ARHGAP8: variants seen among roughly 807,000 people sequenced by gnomAD.
The protein encoded by ARHGAP8 is rho GTPase-activating protein 8.
Under a neutral mutation model 46.1 loss-of-function variants are expected in ARHGAP8, and 62 were observed. The ratio of observed to expected loss-of-function variants is 1.34; its 90% CI spans 1.10 to 1.66. ARHGAP8 has a LOEUF of 1.66. Ranked by LOEUF, ARHGAP8 falls within the 40% of genes most tolerant of loss-of-function variation. The probability of loss-of-function intolerance (pLI) is 0.00; values close to 1 mark genes in which losing one functional copy is unlikely to be tolerated. For synonymous variants in ARHGAP8, 375 were observed against 243.1 expected (o/e 1.54, Z -5.05); for missense variants, 923 against 568.4 (o/e 1.62, Z -6.34).
intron 2 of ARHGAP8, among the ~76,000 whole-genome samples, chr22:44,788,193 A>T (rs1458266270): frequency 2.6e-5 from 4 of 151,800 alleles, no homozygotes; most frequent in African/African-American, 9.7e-5. Context: ...GTCTTGGCTT[A>T]CTCTAAACTC....
intron 3 of ARHGAP8, among the ~76,000 whole-genome samples, chr22:44,806,267 C>T (rs935833518): frequency 6.6e-6 from 1 of 152,148 alleles, no homozygotes; most frequent in Non-Finnish European, 1.5e-5. Context: ...GAAGTATGCC[C>T]CGGTGGCTTA....
chr22:44,832,384 G>A (rs1035850459), intron 7 of ARHGAP8, among the ~76,000 whole-genome samples: 9 of 151,730 alleles, frequency 5.9e-5, no homozygotes, highest in East Asian at 1.9e-4. Flanking sequence ...GTGCTACCAC[G>A]CCTGGCTAAT....
rs1257538361 is a variant in ARHGAP8, at chr22:44,859,740, G to T, written c.887G>T (p.Ser296Ile). The change falls in exon 11 of 12, where the codon AGC becomes ATC. Residue 296 changes from serine to isoleucine, a missense_variant. Transcript: ENST00000356099. ...EQILGITCVESSLRVTGCRQI... is the reference protein window; with the variant it reads ...EQILGITCVEISLRVTGCRQI... ...CCCCATGCCCTTCCAGGTGTGGAGA[G>T]CAGCCTGCGTGTCACTGGCTGCCGC... The T allele has an allele frequency of 1.2e-5, 20 of 1,613,552 alleles. No individual in the cohort carries two copies. The highest frequency in any genetic ancestry group is 1.7e-5 in the Admixed American group (1 of 60,012).
At chr22:44,839,054 C>G (rs1007668148) in intron 7 of ARHGAP8, among the ~76,000 whole-genome samples, 1 of 152,140 alleles carries the variant, frequency 6.6e-6, no homozygotes, top group African/African-American at 2.4e-5. Flanking sequence ...TTGAAAGGGT[C>G]TGTCTGGCTT....
chr22:44,780,518 C>T (rs932950791), intron 1 of ARHGAP8, among the ~76,000 whole-genome samples: 9 of 151,872 alleles, frequency 5.9e-5, no homozygotes, highest in African/African-American at 9.7e-5. Context: ...AAAAATTAGC[C>T]GGACATGGTG....
At chr22:44,837,771 G>T (rs1161865166) in intron 7 of ARHGAP8, among the ~76,000 whole-genome samples, 1 of 152,096 alleles carries the variant, frequency 6.6e-6, no homozygotes, top group Non-Finnish European at 1.5e-5. Context: ...CGATGCCGGG[G>T]CCCTGTTCTT....
chr22:44,835,899 G>A (rs944394745), intron 7 of ARHGAP8, among the ~76,000 whole-genome samples: 1 of 149,482 alleles, frequency 6.7e-6, no homozygotes, highest in South Asian at 2.1e-4. Context: ...GCTCTTCTTC[G>A]GTCTCCTGTA....
At chr22:44,848,652 T>G (rs935453378) in intron 9 of ARHGAP8, among the ~76,000 whole-genome samples, 2 of 152,174 alleles carry the variant, frequency 1.3e-5, no homozygotes, top group Non-Finnish European at 2.9e-5. Context: ...CTCAGAGAGC[T>G]GGCATTGTAG....
At chr22:44,855,703 G>A (rs1040442254) in intron 10 of ARHGAP8, among the ~76,000 whole-genome samples, 1 of 152,066 alleles carries the variant, frequency 6.6e-6, no homozygotes, top group Non-Finnish European at 1.5e-5. Flanking sequence ...TGTGGCCATG[G>A]ATACAAGAGA....
intron 2 of ARHGAP8, among the ~76,000 whole-genome samples, chr22:44,789,658 C>T (rs1253209779): frequency 6.6e-6 from 1 of 151,960 alleles, no homozygotes; most frequent in African/African-American, 2.4e-5. Flanking sequence ...GCCACCACGC[C>T]TGGCTAATTT....
chr22:44,796,650 C>T (rs992437958), intron 2 of ARHGAP8, among the ~76,000 whole-genome samples: 18 of 152,122 alleles, frequency 1.2e-4, no homozygotes, highest in Admixed American at 3.3e-4. Flanking sequence ...TGATGATGGG[C>T]CCAAAGGGGA....
chr22:44,855,534 T>C (rs1272989533), intron 10 of ARHGAP8, among the ~76,000 whole-genome samples: 2 of 152,212 alleles, frequency 1.3e-5, no homozygotes, highest in Non-Finnish European at 2.9e-5. Context: ...AGGGTGAAAG[T>C]TGTTATCAGT....
chr22:44,834,500 A>G (rs1465387819), intron 7 of ARHGAP8, among the ~76,000 whole-genome samples: 5 of 152,168 alleles, frequency 3.3e-5, no homozygotes, highest in East Asian at 3.8e-4. Flanking sequence ...TTTCAGATGT[A>G]TGGAGGCTTG....
intron 7 of ARHGAP8, among the ~76,000 whole-genome samples, chr22:44,828,425 AT>A (rs535537198): frequency 0.15 from 17,174 of 117,586 alleles, 983 homozygotes; most frequent in Middle Eastern, 0.22. Context: ...GCAGACCAGA[AT>A]TTTTTTTTTT....
intron 1 of ARHGAP8, among the ~76,000 whole-genome samples, chr22:44,771,242 A>ATTTTTTTTTTTTTTTTTTTTTTTTTTTT (rs368256843): frequency 9.2e-6 from 1 of 108,302 alleles, no homozygotes; most frequent in Non-Finnish European, 1.8e-5. Flanking sequence ...TTGCAAGTAA[A>ATTTTTTTTTTTTTTTTTTTTTTTTTTTT]TTTTTTTTTT....
chr22:44,859,604 A>C (rs4510320), intron 10 of ARHGAP8, 127 bp from the exon 11 acceptor site: 254,805 of 1,018,850 alleles, frequency 0.25, 34,136 homozygotes, highest in Admixed American at 0.28. Context: ...TGGGGGTCCC[A>C]AGCCCAAATG....
intron 7 of ARHGAP8, among the ~76,000 whole-genome samples, chr22:44,841,020 C>T (rs185417788): frequency 9.2e-5 from 14 of 152,282 alleles, no homozygotes; most frequent in Admixed American, 7.2e-4. Context: ...GCTCTGCAGG[C>T]CTCATACATG....
intron 10 of ARHGAP8, among the ~76,000 whole-genome samples, chr22:44,858,211 C>G (rs1331452044): frequency 6.6e-6 from 1 of 152,202 alleles, no homozygotes; most frequent in Non-Finnish European, 1.5e-5. Flanking sequence ...TGGTCACCAG[C>G]AACTCTGTGC....
At chr22:44,757,041 C>A (rs1220282606) in intron 1 of ARHGAP8, among the ~76,000 whole-genome samples, 1 of 151,994 alleles carries the variant, frequency 6.6e-6, no homozygotes, top group Non-Finnish European at 1.5e-5. Context: ...TGAGCCTTCC[C>A]GAGTAGCTCA....
Sources: gnomAD v4.1 joint callset for allele counts (sites outside exome capture counted in the v4.1 genomes callset) on GRCh38, gnomAD v4.1.1 for gene constraint, MANE v1.5 for transcripts, NCBI Gene and HGNC (gene_info 2026-07-23, HGNC 2026-07-21) for gene names.